The following ARHGAP11A variants were observed in gnomAD, a reference collection of about 807,000 sequenced individuals.
ARHGAP11A encodes the protein rho GTPase-activating protein 11A.
Under a neutral mutation model 60.5 loss-of-function variants are expected in ARHGAP11A, and 36 were observed. That is an observed-to-expected ratio of 0.59 (90% confidence interval 0.46 to 0.79). The LOEUF (loss-of-function observed/expected upper bound fraction) is 0.79, where lower values mean the gene tolerates loss of function less well. Ranked by LOEUF, ARHGAP11A falls within the 30% of genes least tolerant of loss-of-function variation. The pLI, the probability that ARHGAP11A is intolerant of heterozygous loss-of-function variation, is 0.00. For synonymous variants in ARHGAP11A, 362 were observed against 415.5 expected, an observed-to-expected ratio of 0.87 and a Z score of 1.57; for missense variants, 1,071 against 1,199.2, an observed-to-expected ratio of 0.89 and a Z score of 1.58.
intron 6 of ARHGAP11A, among the ~76,000 whole-genome samples, chr15:32,627,450 C>T (rs902318134): frequency 7.2e-5 from 11 of 151,986 alleles, no homozygotes; most frequent in Admixed American, 2.0e-4. Flanking sequence ...ATCTTCTTGG[C>T]CGGGCGCGAT....
chr15:32,617,665 G>A (rs2053191449), intron 1 of ARHGAP11A, among the ~76,000 whole-genome samples: 1 of 151,998 alleles, frequency 6.6e-6, no homozygotes, highest in Non-Finnish European at 1.5e-5. Context: ...GTAGAGACGG[G>A]ATTTCACCGT....
At chr15:32,620,485 T>TA (rs1595759738) in intron 2 of ARHGAP11A, among the ~76,000 whole-genome samples, 1 of 151,572 alleles carries the variant, frequency 6.6e-6, no homozygotes, top group African/African-American at 2.4e-5. Context: ...TTAGAGAGTT[T>TA]AAAAGAAATA....
chr15:32,620,450 A>G (rs2053269646), intron 2 of ARHGAP11A, among the ~76,000 whole-genome samples: 1 of 151,736 alleles, frequency 6.6e-6, no homozygotes, highest in Non-Finnish European at 1.5e-5. Flanking sequence ...ATGAAGAAGA[A>G]GAGAGTAAGC....
intron 8 of ARHGAP11A, among the ~76,000 whole-genome samples, chr15:32,631,246 T>C (rs995215207): frequency 2.2e-4 from 33 of 152,236 alleles, no homozygotes; most frequent in African/African-American, 7.0e-4. Context: ...TTTAAAAATA[T>C]ATAAAGGCAA....
rs1042300689 is a variant in ARHGAP11A, at chr15:32,639,511, C to A, written c.*1666C>A. The stretch of plus-strand genomic sequence containing the variant: ...AAACAATTTTTAAATTTTAAAAATG[C>A]ATTAACGTCTTTTTATATCCATCAA... On this transcript the variant is annotated 3_prime_UTR_variant, in exon 12 of 12. Coordinates refer to ENST00000361627, the MANE Select transcript of ARHGAP11A (RefSeq NM_014783.6). The A allele has an allele frequency of 6.6e-6, 1 of 152,124 alleles. No homozygotes were observed. Among genetic ancestry groups the A allele is most frequent in the Non-Finnish European group, 1.5e-5 (1 of 68,022 alleles). 9.4% of individuals were successfully genotyped at this position (152,124 alleles called of 1,614,324 possible).
chr15:32,624,391 A>C lies in ARHGAP11A; in HGVS notation c.516A>C (p.Arg172Ser). The C allele has an allele frequency of 1.2e-6, 2 of 1,613,762 alleles. No homozygotes were observed. Among genetic ancestry groups the C allele is most frequent in the South Asian group, 1.1e-5 (1 of 91,038 alleles). Residue 172 changes from arginine (R) to serine (S), a missense_variant, in exon 4 of 12, where the codon AGA (arginine) becomes AGC (serine). Physicochemically the swap from Arg to Ser is moderately radical, Grantham distance 110. Around this residue, in one of 4 missense-constraint regions of ARHGAP11A, gnomAD observed 196 missense variants for 272.1 expected, o/e 0.72. Transcript: ENST00000361627. Reference protein sequence around the residue: ...LLADHTVHVLRYFFNFLRNVS... With the variant: ...LLADHTVHVLSYFFNFLRNVS... ...CTGACCACACAGTTCATGTATTAAG[A>C]TACTTCTTTAACTTTCTCAGGAATG...
intron 6 of ARHGAP11A, among the ~76,000 whole-genome samples, chr15:32,625,866 A>T (rs552291764): frequency 6.6e-6 from 1 of 152,378 alleles, no homozygotes; most frequent in South Asian, 2.1e-4. Flanking sequence ...CTGGATTGTA[A>T]TTATCAGGGA....
chr15:32,626,505 C>A lies in ARHGAP11A; in HGVS notation c.862+872C>A, dbSNP rs1271643916. On this transcript the variant is annotated intron_variant, in intron 6 of 11. Transcript: ENST00000361627. ...CCAAATGTTACTAACTATCCCAATC[C>A]CTTTTTCATCTTTTGGTTTATTTGT... Among the ~76,000 whole-genome samples the A allele has an allele frequency of 4.6e-5, 7 of 152,066 alleles. No homozygotes were observed. In the East Asian group the frequency reaches 1.4e-3, roughly 29 times the overall value.
chr15:32,620,313 T>G, intron 2 of ARHGAP11A, 135 bp downstream of exon 2: 11 of 1,497,152 alleles, frequency 7.3e-6, no homozygotes, highest in Non-Finnish European at 9.8e-6. Flanking sequence ...GGTGAGACCT[T>G]GTCGCAAAAG....
rs1567051468 is a variant in ARHGAP11A at position 32,623,483 on chromosome 15, C to G, written c.201-9C>G. On this transcript the variant is annotated splice_polypyrimidine_tract_variant and intron_variant, in intron 2 of 11. Transcript: ENST00000361627. Reference sequence around the variant, plus strand: ...TATGTCTAGCCACCTGAAAAAATCTCTCTTTCAGCTTTCTTGTCGATGCTT... The same window carrying G: ...TATGTCTAGCCACCTGAAAAAATCTGTCTTTCAGCTTTCTTGTCGATGCTT... 8.1e-6 allele frequency: 13 copies of G among 1,609,930 alleles called. No homozygotes were observed. The highest frequency in any genetic ancestry group is 2.2e-5 in the East Asian group (1 of 44,860).
Position 32,636,901 on chromosome 15 carries a change from G to A in ARHGAP11A, c.2128G>A (p.Asp710Asn). ...AGACATTCATTCAAATATGCCAAAAGATTATTTAAGCAAGCAAGAATTCTC... is the reference window on the plus strand; with the variant it reads ...AGACATTCATTCAAATATGCCAAAAAATTATTTAAGCAAGCAAGAATTCTC... ...EKDIHSNMPK[D>N]YLSKQEFSSD... The change falls in exon 12 of 12, where the codon GAT becomes AAT. Residue 710 changes from aspartate to asparagine, a missense_variant. By Grantham distance (23) the Asp-to-Asn change is conservative. Coordinates refer to ENST00000361627, the MANE Select transcript of ARHGAP11A (RefSeq NM_014783.6). 1 of 1,613,288 alleles carries A rather than the reference G, an allele frequency of 6.2e-7. No individual in the cohort carries two copies. Among genetic ancestry groups the A allele is most frequent in the Non-Finnish European group, 8.5e-7 (1 of 1,179,806 alleles).
chr15:32,630,077 C>T (rs1365931211), intron 8 of ARHGAP11A, among the ~76,000 whole-genome samples: 3 of 108,998 alleles, frequency 2.8e-5, no homozygotes, highest in African/African-American at 1.2e-4. Context: ...CATCCTGAAT[C>T]CTGCTATAGT....
At chr15:32,620,419 G>A (rs867697913) in intron 2 of ARHGAP11A, among the ~76,000 whole-genome samples, 2 of 151,986 alleles carry the variant, frequency 1.3e-5, no homozygotes, top group Non-Finnish European at 2.9e-5. Context: ...GGAGGCTGCA[G>A]TGAGCCTTCT....
In ARHGAP11A at chr15:32,638,173, A is replaced by T. The variant is rs1294240139; in HGVS notation, c.*328A>T. 2 of 200,226 alleles carry T rather than the reference A, an allele frequency of 1.0e-5. No individual in the cohort carries two copies. The highest frequency in any genetic ancestry group is 5.7e-5 in the Admixed American group (1 of 17,510). The allele number at this position is 200,226 out of a possible 1,614,324, so 12.4% of individuals were successfully genotyped here. A position where few individuals can be genotyped will look rare whatever the true frequency, so the allele number is the denominator to read the frequency against. Reference sequence around the variant, plus strand: ...ACTGCAAGCTCCACTTCCTGGGTTCATGCCATTTTCCTGCCTCAGCCTCCC... The same window carrying T: ...ACTGCAAGCTCCACTTCCTGGGTTCTTGCCATTTTCCTGCCTCAGCCTCCC... On this transcript the variant is annotated 3_prime_UTR_variant, in exon 12 of 12. Transcript: ENST00000361627.
rs1428375140 is a variant in ARHGAP11A at position 32,636,583 on chromosome 15, T to G, written c.1810T>G (p.Ser604Ala). 26 of 1,614,012 alleles carry G rather than the reference T, an allele frequency of 1.6e-5. No homozygotes were observed. Among genetic ancestry groups the G allele is most frequent in the Non-Finnish European group, 2.1e-5 (25 of 1,180,012 alleles). ...TTTGGTGAAAGTTCAAAAAGCGTTT[T>G]CTGAATCTGGAAGTAATCTTCACGC... ...ETLVKVQKAF[S>A]ESGSNLHALM... Residue 604 changes from serine to alanine, a missense_variant, in exon 12 of 12, where the codon TCT becomes GCT. Ser to Ala is a moderately conservative substitution (Grantham distance 99). Around this residue, in one of 4 missense-constraint regions of ARHGAP11A, gnomAD observed 776 missense variants for 760.2 expected, o/e 1.02. Coordinates refer to ENST00000361627, the MANE Select transcript of ARHGAP11A (RefSeq NM_014783.6).
chr15:32,623,394 C>T, intron 2 of ARHGAP11A, 98 bp from the exon 3 acceptor site: 1 of 1,097,694 alleles, frequency 9.1e-7, no homozygotes, highest in Non-Finnish European at 1.3e-6. Flanking sequence ...GCTTTAGAGC[C>T]TCTGAAAGGT....
At chr15:32,630,758 C>T (rs990918667) in intron 8 of ARHGAP11A, among the ~76,000 whole-genome samples, 2 of 152,118 alleles carry the variant, frequency 1.3e-5, no homozygotes, top group Non-Finnish European at 2.9e-5. Context: ...TTCACAGGTT[C>T]TCTAGGGCTC....
At chr15:32,621,497 C>G (rs890083454) in intron 2 of ARHGAP11A, among the ~76,000 whole-genome samples, 1 of 152,242 alleles carries the variant, frequency 6.6e-6, no homozygotes, top group Non-Finnish European at 1.5e-5. Context: ...CCTATTCTAA[C>G]TGCATCAGAA....
rs183824985 is a variant in ARHGAP11A at position 32,617,319 on chromosome 15, T to C, written c.129+979T>C. 7.4e-3 allele frequency among the ~76,000 whole-genome samples: 1,124 copies of C among 151,876 alleles called. 57 individuals are homozygous for C. The highest frequency in any genetic ancestry group is 0.067 in the Admixed American group (1,021 of 15,280). On this transcript the variant is annotated intron_variant, in intron 1 of 11. Transcript: ENST00000361627. ...GAAGTTATTTTTGTTGGTAGCAAATTAATGGCAATACATGTACTTACATTT... is the reference window on the plus strand; with the variant it reads ...GAAGTTATTTTTGTTGGTAGCAAATCAATGGCAATACATGTACTTACATTT...
Sources: gnomAD v4.1 joint callset for allele counts (sites outside exome capture counted in the v4.1 genomes callset) on GRCh38, gnomAD v4.1.1 for gene constraint, gnomAD v4.1.1 regional missense constraint, MANE v1.5 for transcripts, NCBI Gene and HGNC (gene_info 2026-07-23, HGNC 2026-07-21) for gene names.